The following C5 variants were observed in gnomAD, a reference collection of about 807,000 sequenced individuals.
C5 encodes C3 and PZP-like alpha-2-macroglobulin domain-containing protein 4.
Under a neutral mutation model 218.8 loss-of-function variants are expected in C5, and 140 were observed. That is an observed-to-expected ratio of 0.64 (90% CI 0.56 to 0.74). C5 has a LOEUF of 0.74. Among genes scored for constraint, C5 ranks in the 30% least tolerant of loss-of-function variants. C5 has a pLI of 0.00. For missense variants in C5, 1,700 were observed against 1,969.6 expected, an observed-to-expected ratio of 0.86 and a Z score of 2.59; for synonymous variants, 614 against 682.3, an observed-to-expected ratio of 0.90 and a Z score of 1.56.
intron 17 of C5, 30 bp downstream of exon 17, chr9:121,013,843 C>G: frequency 6.3e-7 from 1 of 1,579,892 alleles, no homozygotes. Context: ...CCATATTGAG[C>G]AGAATTCTGA....
intron 15 of C5, among the ~76,000 whole-genome samples, chr9:121,015,980 A>G (rs2047303802): frequency 6.6e-6 from 1 of 152,216 alleles, no homozygotes; most frequent in African/African-American, 2.4e-5. Flanking sequence ...CAAGAACTCC[A>G]CTTGGTTCTG....
intron 31 of C5, among the ~76,000 whole-genome samples, chr9:120,971,346 C>G (rs2046911586): frequency 6.6e-6 from 1 of 151,614 alleles, no homozygotes; most frequent in South Asian, 2.1e-4. Context: ...ACACATATGC[C>G]ATATGCGTAT....
At chr9:121,038,484 A>G (rs566710269) in intron 3 of C5, among the ~76,000 whole-genome samples, 1 of 152,314 alleles carries the variant, frequency 6.6e-6, no homozygotes, top group East Asian at 1.9e-4. Context: ...TGTTCTATTT[A>G]TTGAGCCAGA....
chr9:120,952,907 C>T (rs752366960), intron 40 of C5, 39 bp from the exon 41 acceptor site: 2 of 1,609,256 alleles, frequency 1.2e-6, no homozygotes, highest in South Asian at 2.2e-5. Context: ...GGCCACAAAA[C>T]AGAAAAGCTG....
chr9:121,055,530 G>A, the C5 span, among the ~76,000 whole-genome samples: 1,643 of 152,064 alleles, frequency 0.011, 34 homozygotes, highest in African/African-American at 0.038. Flanking sequence ...TTGCAACTTG[G>A]GTATCAGCTT....
At chr9:121,057,536 T>C in the C5 span, among the ~76,000 whole-genome samples, 1 of 152,138 alleles carries the variant, frequency 6.6e-6, no homozygotes. Context: ...TTCTTTCTGA[T>C]AATAGTTAAG....
At position 120,997,715 on chromosome 9, in the gene C5, A is replaced by G. The variant is rs1483966016; in HGVS notation, c.2622T>C (p.Asp874=). Residue 874 remains aspartate, a synonymous_variant, in exon 21 of 41, where the codon GAT becomes GAC. Transcript: ENST00000223642. ...GICTSESPVI[D]HQGTKSSKCV... The stretch of plus-strand genomic sequence containing the variant: ...ATTTGGAGGACTTTGTGCCCTGATG[A>G]TCAATGACTGGGCTTTCCGAAGTGC... The G allele has an allele frequency of 6.2e-7, 1 of 1,614,088 alleles. No individual in the cohort carries two copies. The highest frequency in any genetic ancestry group is 1.3e-5 in the African/African-American group (1 of 74,938).
chr9:120,967,104 A>T (rs1273399237), intron 33 of C5, among the ~76,000 whole-genome samples: 1 of 151,814 alleles, frequency 6.6e-6, no homozygotes, highest in African/African-American at 2.4e-5. Context: ...TACTAAAAAT[A>T]AAAAAATTAG....
chr9:121,058,522 T>A, the C5 span, among the ~76,000 whole-genome samples: 151 of 152,320 alleles, frequency 9.9e-4, no homozygotes, highest in Non-Finnish European at 2.0e-3. Flanking sequence ...CACTGCAACC[T>A]CTGCCTCCTT....
intron 12 of C5, among the ~76,000 whole-genome samples, chr9:121,018,467 G>A (rs1206325354): frequency 1.3e-5 from 2 of 150,918 alleles, no homozygotes; most frequent in Non-Finnish European, 2.9e-5. Context: ...CCAGCTACTC[G>A]GAAGGCTGAG....
Position 121,025,465 on chromosome 9 carries a change from A to G in C5, c.989T>C (p.Ile330Thr), listed in dbSNP as rs147430470. Residue 330 changes from isoleucine to threonine, a missense_variant, in exon 9 of 41, where the codon ATA becomes ACA. Transcript: ENST00000223642. Reference sequence around the variant, plus strand: ...ACACACACACTTACCTGTAGACTCTATGACTGTTACAGCAATATAAAGGTA... The same window carrying G: ...ACACACACACTTACCTGTAGACTCTGTGACTGTTACAGCAATATAAAGGTA... The part of the protein sequence containing the change: ...NKYLYIAVTV[I>T]ESTGGFSEEA... The G allele has an allele frequency of 5.9e-4, 925 of 1,577,064 alleles. 6 individuals are homozygous for G. The highest frequency in any genetic ancestry group is 7.2e-4 in the Non-Finnish European group (840 of 1,159,942).
intron 29 of C5, among the ~76,000 whole-genome samples, 186 bp from the exon 30 acceptor site, chr9:120,975,117 T>C (rs1158673634): frequency 6.6e-6 from 1 of 152,202 alleles, no homozygotes. Context: ...TCAATAAAGA[T>C]GCTGTTAGCA....
intron 1 of C5, 24 bp from the exon 2 acceptor site, chr9:121,046,407 G>T (rs781746242): frequency 1.3e-5 from 19 of 1,508,756 alleles, no homozygotes; most frequent in Non-Finnish European, 1.7e-5. Context: ...AAAAGATAAG[G>T]CTCAATGTCT....
Position 120,952,628 on chromosome 9 carries a change from T to C in C5, c.*111A>G. The C allele has an allele frequency of 1.8e-6, 2 of 1,094,206 alleles. No homozygotes were observed. Among genetic ancestry groups the C allele is most frequent in the Admixed American group, 3.9e-5 (2 of 50,904 alleles). 67.8% of individuals were successfully genotyped at this position (1,094,206 alleles called of 1,614,324 possible). A position where few individuals can be genotyped will look rare whatever the true frequency, so the allele number is the denominator to read the frequency against. ...GCCACTAATTCTAAGTAAAGTGAGC[T>C]TTACAAATAAGACCAGCTATGAATG... On this transcript the variant is annotated 3_prime_UTR_variant, in exon 41 of 41. Coordinates refer to ENST00000223642, the MANE Select transcript of C5 (RefSeq NM_001735.3).
the C5 span, among the ~76,000 whole-genome samples, chr9:121,068,636 T>G: frequency 4.8e-4 from 73 of 152,254 alleles, no homozygotes; most frequent in African/African-American, 1.7e-3. Context: ...AATCTCAAAA[T>G]TTTTATGGAA....
At chr9:121,055,260 T>G (rs1055477650), upstream of C5, among the ~76,000 whole-genome samples, 1 of 152,198 alleles carries the variant, frequency 6.6e-6, no homozygotes, top group African/African-American at 2.4e-5. Flanking sequence ...CCCAAGACCA[T>G]GATCACTCAT....
intron 15 of C5, 92 bp from the exon 16 acceptor site, chr9:121,015,353 C>G (rs1225769605): frequency 6.3e-6 from 5 of 790,652 alleles, no homozygotes; most frequent in Non-Finnish European, 1.1e-5. Context: ...GTATTTAGAG[C>G]CTTCACAAGT....
chr9:121,025,744 GTTA>G, intron 8 of C5, 164 bp from the exon 9 acceptor site: 2 of 606,298 alleles, frequency 3.3e-6, no homozygotes, highest in Non-Finnish European at 5.8e-6. Context: ...AGCCCAGGAT[GTTA>G]TTTTCTAATT....
intron 12 of C5, 100 bp downstream of exon 12, chr9:121,019,876 G>T: frequency 1.3e-6 from 1 of 766,924 alleles, no homozygotes; most frequent in Non-Finnish European, 2.2e-6. Context: ...AAAGTGCTTT[G>T]GGAATAAAAG....
Sources: gnomAD v4.1 joint callset for allele counts (sites outside exome capture counted in the v4.1 genomes callset) on GRCh38, gnomAD v4.1.1 for gene constraint, MANE v1.5 for transcripts, NCBI Gene and HGNC (gene_info 2026-07-23, HGNC 2026-07-21) for gene names.